Variants in PLCH2 observed in about 807,000 individuals in gnomAD.
PLCH2 encodes 1-phosphatidylinositol 4,5-bisphosphate phosphodiesterase eta-2.
In PLCH2, 98 loss-of-function variants were observed where a neutral mutation model predicts 134.7. The observed-to-expected ratio is 0.73, with a 90% CI of 0.62 to 0.86. The LOEUF (loss-of-function observed/expected upper bound fraction) is 0.86. Ranked by LOEUF, PLCH2 falls within the 40% of genes least tolerant of loss-of-function variation. PLCH2 has a pLI of 0.00. For missense variants in PLCH2, 1,994 were observed against 1,986.6 expected (o/e 1.00, Z -0.07); for synonymous variants, 974 against 827.5 (o/e 1.18, Z -3.04).
the PLCH2 span, among the ~76,000 whole-genome samples, chr1:2,416,631 A>G: frequency 6.2e-4 from 94 of 152,350 alleles, 1 homozygote; most frequent in African/African-American, 2.0e-3. Context: ...GAGGCCCCAG[A>G]GCCAAGATGG....
intron 4 of PLCH2, among the ~76,000 whole-genome samples, chr1:2,484,069 G>A (rs1173568009): frequency 6.6e-6 from 1 of 151,908 alleles, no homozygotes; most frequent in African/African-American, 2.4e-5. Flanking sequence ...TGGCTCCCGT[G>A]TGGGGGGTGT....
Position 2,476,474 on chromosome 1 carries a change from G to GC in PLCH2, c.-115_-114insC. ...TGAGGAGGAGGAGGAAGAGGCAGAG[G>GC]AGAGAAGGCCCCACGGAGGTCCTGT... On this transcript the variant is annotated 5_prime_UTR_variant, in exon 1 of 22. The change abolishes the stop of an existing upstream ORF in the 5' untranslated region. Coordinates refer to ENST00000378486, the MANE Select transcript of PLCH2 (RefSeq NM_014638.4). 1.0e-6 allele frequency: 1 copy of GC among 1,001,334 alleles called. No individual in the cohort carries two copies. Among genetic ancestry groups the GC allele is most frequent in the Non-Finnish European group, 1.4e-6 (1 of 710,106 alleles). 62.0% of individuals were successfully genotyped at this position (1,001,334 alleles called of 1,614,324 possible).
chr1:2,488,824 A>G (rs1352197219), intron 8 of PLCH2, among the ~76,000 whole-genome samples: 4 of 152,108 alleles, frequency 2.6e-5, no homozygotes, highest in Non-Finnish European at 5.9e-5. Flanking sequence ...AAAGGATTCT[A>G]TTTCCCAGCC....
intron 2 of PLCH2, among the ~76,000 whole-genome samples, chr1:2,454,267 C>T (rs1319424423): frequency 6.6e-6 from 1 of 152,192 alleles, no homozygotes; most frequent in Non-Finnish European, 1.5e-5. Context: ...CCCCGATGGC[C>T]AGTGCCCCGC....
At position 2,487,191 on chromosome 1, in the gene PLCH2, G is replaced by A. The variant is rs967475099; in HGVS notation, c.929G>A (p.Arg310Lys). Reference sequence around the variant, plus strand: ...CCTGCAGGCTTCACCAACTACACCAGGAGCCCTGCTGGTGACATCTTCAAC... The same window carrying A: ...CCTGCAGGCTTCACCAACTACACCAAGAGCCCTGCTGGTGACATCTTCAAC... Reference protein sequence around the residue: ...LGIDGFTNYTRSPAGDIFNPE... With the variant: ...LGIDGFTNYTKSPAGDIFNPE... Residue 310 changes from arginine to lysine, a missense_variant, in exon 7 of 22, where the codon AGG becomes AAG. Coordinates refer to ENST00000378486, the MANE Select transcript of PLCH2 (RefSeq NM_014638.4). The A allele has an allele frequency of 3.1e-5, 49 of 1,575,766 alleles. No individual in the cohort carries two copies. The highest frequency in any genetic ancestry group is 4.0e-5 in the Non-Finnish European group (47 of 1,161,768).
intron 2 of PLCH2, among the ~76,000 whole-genome samples, chr1:2,458,001 C>T (rs1030069987): frequency 1.3e-4 from 20 of 152,184 alleles, no homozygotes; most frequent in Non-Finnish European, 2.9e-4. Flanking sequence ...CCAAGGAGGC[C>T]GCACAGGCAA....
chr1:2,439,302 T>TG lies in PLCH2; in HGVS notation c.115+8679dup, dbSNP rs984907386. Among the ~76,000 whole-genome samples, 4 of 152,138 alleles carry TG rather than the reference T, an allele frequency of 2.6e-5. No homozygotes were observed. The highest frequency in any genetic ancestry group is 6.5e-5 in the Admixed American group (1 of 15,282). ...GCACCAGCCCATGCAGCAAGGTGCCTGGGGGGTCTCAGAGCAGGAGGCTCA... is the reference window on the plus strand; with the variant it reads ...GCACCAGCCCATGCAGCAAGGTGCCTGGGGGGGTCTCAGAGCAGGAGGCTCA... On this transcript the variant is annotated intron_variant, in intron 2 of 3. Transcript: ENST00000609981. The surrounding 1 kb of genome is among the most constrained non-coding windows in gnomAD (Gnocchi z 4.7).
chr1:2,433,682 C>G (rs756318139), intron 2 of PLCH2, among the ~76,000 whole-genome samples: 6 of 152,130 alleles, frequency 3.9e-5, no homozygotes, highest in Non-Finnish European at 8.8e-5. Flanking sequence ...TTTCCCTGAT[C>G]ATGAAAGCAA....
intron 2 of PLCH2, among the ~76,000 whole-genome samples, chr1:2,459,182 C>CATCCACAGGAG (rs1471337730): frequency 1.3e-5 from 2 of 152,262 alleles, no homozygotes; most frequent in East Asian, 3.8e-4. Flanking sequence ...TCCCGTTGGC[C>CATCCACAGGAG]CTGCATGGGA....
chr1:2,432,934 CG>C (rs1450673029), intron 2 of PLCH2, among the ~76,000 whole-genome samples: 7 of 152,190 alleles, frequency 4.6e-5, no homozygotes, highest in Non-Finnish European at 1.0e-4. Flanking sequence ...GGTGCACACA[CG>C]GGCTGGGTGG....
At chr1:2,418,829 T>G in the PLCH2 span, among the ~76,000 whole-genome samples, 3 of 152,196 alleles carry the variant, frequency 2.0e-5, no homozygotes, top group African/African-American at 7.2e-5. Context: ...TGTCCCCCTC[T>G]CCCTGGCTGC....
At chr1:2,443,425 C>T (rs942377719) in intron 2 of PLCH2, among the ~76,000 whole-genome samples, 37 of 152,298 alleles carry the variant, frequency 2.4e-4, no homozygotes, top group African/African-American at 8.9e-4. Context: ...GGGCAAACGC[C>T]CAGCCTGGAG....
At position 2,459,518 on chromosome 1, in the gene PLCH2, T is replaced by TTGCTGGTGG. The variant is rs1557969900; in HGVS notation, c.116-18957_116-18956insGCTGGTGGT. 1.0e-3 allele frequency among the ~76,000 whole-genome samples: 133 copies of TTGCTGGTGG among 127,458 alleles called. 11 individuals carry two copies. Among genetic ancestry groups the TTGCTGGTGG allele is most frequent in the Admixed American group, 1.4e-3 (17 of 12,538 alleles). The allele number at this position is 127,458 out of a possible 152,430, so 83.6% of individuals were successfully genotyped here. ...TGGTCCTCCTTCCTGGTGGTCCTCC[T>TTGCTGGTGG]TCCTGGTGGTCCTCCTTCCTGGTGG... On this transcript the variant is annotated intron_variant, in intron 2 of 3. Transcript: ENST00000609981.
chr1:2,425,690 G>T (rs1004218549), upstream of PLCH2, among the ~76,000 whole-genome samples: 126 of 142,258 alleles, frequency 8.9e-4, no homozygotes, highest in Middle Eastern at 0.015. Flanking sequence ...ATTTTGGTGT[G>T]TTTTTTTTTT....
Position 2,505,518 on chromosome 1 carries a change from C to T in PLCH2, c.*305C>T, listed in dbSNP as rs1004568675. ...AAACTTATACAACATTAAAATGATA[C>T]CAAGTCCCTTTCCATTTTTACCTGG... On this transcript the variant is annotated 3_prime_UTR_variant, in exon 22 of 22. Coordinates refer to ENST00000378486, the MANE Select transcript of PLCH2 (RefSeq NM_014638.4). The T allele has an allele frequency of 2.3e-6, 1 of 429,830 alleles. No homozygotes were observed. Among genetic ancestry groups the T allele is most frequent in the Non-Finnish European group, 4.1e-6 (1 of 241,468 alleles). The allele number at this position is 429,830 out of a possible 1,614,324, so 26.6% of individuals were successfully genotyped here.
At position 2,489,216 on chromosome 1, in the gene PLCH2, G is replaced by T. The variant is rs761286108; in HGVS notation, c.1245G>T (p.Val415=). 6.2e-7 allele frequency: 1 copy of T among 1,613,794 alleles called. No homozygotes were observed. The highest frequency in any genetic ancestry group is 8.5e-7 in the Non-Finnish European group (1 of 1,179,814). ...KYAFIKNEYP[V]ILSIENHCSV... is the part of the protein sequence containing the mutation. The stretch of plus-strand genomic sequence containing the variant: ...TGCCTTGGGGCCACAGGTACCCAGT[G>T]ATCCTGTCCATCGAAAACCACTGCA... Residue 415 remains valine, a synonymous_variant, in exon 9 of 22, where the codon GTG becomes GTT. Transcript: ENST00000378486.
rs1334316891 is a variant in PLCH2, at chr1:2,505,059, T to A, written c.4097T>A (p.Leu1366Gln). The change falls in exon 22 of 22, where the codon CTG (leucine) becomes CAG (glutamine). Residue 1366 changes from leucine to glutamine, a missense_variant. Coordinates refer to ENST00000378486, the MANE Select transcript of PLCH2 (RefSeq NM_014638.4). ...GAGCGGCAGCAGAGACTGCAGGGCC[T>A]GGGCCGGCAGGGACCCCCAGAAGAG... ...AQERQQRLQG[L>Q]GRQGPPEEER... is the part of the protein sequence containing the mutation. 1 of 1,539,948 alleles carries A rather than the reference T, an allele frequency of 6.5e-7. No individual in the cohort carries two copies. Among genetic ancestry groups the A allele is most frequent in the Non-Finnish European group, 8.7e-7 (1 of 1,150,158 alleles).
intron 4 of PLCH2, among the ~76,000 whole-genome samples, chr1:2,482,182 C>T (rs145887798): frequency 1.3e-5 from 2 of 152,334 alleles, no homozygotes; most frequent in South Asian, 2.1e-4. Flanking sequence ...GCTCAGGCCC[C>T]GAGGGCCTCA....
intron 2 of PLCH2, among the ~76,000 whole-genome samples, chr1:2,460,942 TTGAGGCTGGGTGCCAGCCTGG>T (rs1222622062): frequency 1.3e-5 from 2 of 152,216 alleles, no homozygotes; most frequent in African/African-American, 4.8e-5. Context: ...CAGCAGGCCC[TTGAGGCTGGGTGCCAGCCTGG>T]TGGCGTGGGG....
Sources: allele counts gnomAD v4.1 joint callset (sites outside exome capture counted in the v4.1 genomes callset), GRCh38; gene constraint gnomAD v4.1.1; non-coding constraint Gnocchi (gnomAD v3.1); transcripts MANE v1.5; gene names NCBI Gene and HGNC (gene_info 2026-07-23, HGNC 2026-07-21).